Variants in RALGAPA1 observed in about 807,000 individuals in gnomAD.
RALGAPA1 encodes Ral GTPase activating protein catalytic subunit alpha 1, also known as ral GTPase-activating protein subunit alpha-1.
A neutral mutation model predicts 269.6 loss-of-function variants in RALGAPA1; 52 were observed. That is an observed-to-expected ratio of 0.19 (90% CI 0.15 to 0.24). The LOEUF (loss-of-function observed/expected upper bound fraction) is 0.24, where lower values mean the gene tolerates loss of function less well. Among genes scored for constraint, RALGAPA1 ranks in the 10% least tolerant of loss-of-function variants. The pLI is 1.00. For missense variants in RALGAPA1, 1,917 were observed against 3,013.9 expected (o/e 0.64, Z 8.52); for synonymous variants, 817 against 1,008.3 (o/e 0.81, Z 3.60).
intron 1 of RALGAPA1, among the ~76,000 whole-genome samples, chr14:35,781,903 C>A (rs1166358113): frequency 6.6e-6 from 1 of 152,104 alleles, no homozygotes; most frequent in Non-Finnish European, 1.5e-5. Context: ...AAAGCTTTAC[C>A]CCTAAAAGCA....
intron 16 of RALGAPA1, among the ~76,000 whole-genome samples, chr14:35,701,547 C>T (rs996716283): frequency 1.1e-4 from 17 of 152,198 alleles, no homozygotes; most frequent in African/African-American, 3.6e-4. Context: ...TTCATCATCA[C>T]ATCATGACTT....
chr14:35,782,416 CTT>C (rs1291253380), intron 1 of RALGAPA1, among the ~76,000 whole-genome samples: 1 of 152,048 alleles, frequency 6.6e-6, no homozygotes, highest in African/African-American at 2.4e-5. Flanking sequence ...TCAATGTACT[CTT>C]TTTTTTCTTC....
chr14:35,546,975 T>C (rs1315935526), intron 41 of RALGAPA1, among the ~76,000 whole-genome samples: 3 of 152,170 alleles, frequency 2.0e-5, no homozygotes, highest in African/African-American at 4.8e-5. Context: ...ACCACTCTGA[T>C]AAAAATTTAT....
At chr14:35,733,885 C>G (rs1488490389) in intron 12 of RALGAPA1, among the ~76,000 whole-genome samples, 1 of 151,956 alleles carries the variant, frequency 6.6e-6, no homozygotes, top group East Asian at 1.9e-4. Flanking sequence ...AGGAGATACA[C>G]CAACAGCAAC....
rs527561590 is a variant in RALGAPA1, at chr14:35,654,604, G to A, written c.5497-127C>T. The A allele has an allele frequency of 1.4e-4, 158 of 1,124,566 alleles. No homozygotes were observed. In the Middle Eastern group the frequency reaches 1.5e-3, roughly 11 times the overall value. The allele number at this position is 1,124,566 out of a possible 1,614,324, so 69.7% of individuals were successfully genotyped here. Reference sequence around the variant, plus strand: ...AAATCCTACATTTATAGGTGATTAAGATAAATCTCTAGCTGCAAAATAAAA... The same window carrying A: ...AAATCCTACATTTATAGGTGATTAAAATAAATCTCTAGCTGCAAAATAAAA... On this transcript the variant is annotated intron_variant, in intron 29 of 41. Transcript: ENST00000680220.
At chr14:35,741,041 C>A (rs999150824) in intron 11 of RALGAPA1, among the ~76,000 whole-genome samples, 1 of 152,204 alleles carries the variant, frequency 6.6e-6, no homozygotes, top group African/African-American at 2.4e-5. Context: ...GCTGGTTACA[C>A]TACTTGAGTA....
Position 35,539,632 on chromosome 14 carries a change from A to G in RALGAPA1, c.*82T>C, listed in dbSNP as rs1229236610. ...GAGGAGACATTGGAGAGGCCAGGTCAGCCCCATCTACCTGCGTTGCTGTGG... is the reference window on the plus strand; with the variant it reads ...GAGGAGACATTGGAGAGGCCAGGTCGGCCCCATCTACCTGCGTTGCTGTGG... On this transcript the variant is annotated 3_prime_UTR_variant, in exon 42 of 42. Transcript: ENST00000680220. 2 of 1,614,146 alleles carry G rather than the reference A, an allele frequency of 1.2e-6. No homozygotes were observed. The highest frequency in any genetic ancestry group is 1.7e-6 in the Non-Finnish European group (2 of 1,180,018).
intron 1 of RALGAPA1, among the ~76,000 whole-genome samples, chr14:35,805,479 G>A (rs373725098): frequency 4.7e-5 from 7 of 149,938 alleles, no homozygotes; most frequent in Non-Finnish European, 7.4e-5. Context: ...TAAAATGACC[G>A]TACTGCATAA....
intron 31 of RALGAPA1, among the ~76,000 whole-genome samples, chr14:35,637,299 A>C (rs2139774397): frequency 6.6e-6 from 1 of 152,336 alleles, no homozygotes; most frequent in African/African-American, 2.4e-5. Context: ...TGTTTTGAAG[A>C]AGCTCAATGA....
chr14:35,674,293 TA>T lies in RALGAPA1; in HGVS notation c.4819-16del. On this transcript the variant is annotated splice_polypyrimidine_tract_variant and intron_variant, in intron 23 of 41. Transcript: ENST00000680220. ...TTATCTCTAATCTGTAATTTTCAAA[TA>T]AAAAGCAACAAACCTAAGAAAACTG... 6.3e-7 allele frequency: 1 copy of T among 1,585,906 alleles called. No individual in the cohort carries two copies. Among genetic ancestry groups the T allele is most frequent in the Non-Finnish European group, 8.6e-7 (1 of 1,162,258 alleles).
intron 27 of RALGAPA1, among the ~76,000 whole-genome samples, chr14:35,662,666 C>T (rs1194075232): frequency 6.6e-6 from 1 of 152,114 alleles, no homozygotes; most frequent in African/African-American, 2.4e-5. Flanking sequence ...GTAGGCGAGG[C>T]TAACCCCTAA....
intron 16 of RALGAPA1, among the ~76,000 whole-genome samples, chr14:35,713,865 G>A (rs771677779): frequency 2.6e-5 from 4 of 152,284 alleles, no homozygotes; most frequent in Admixed American, 1.3e-4. Flanking sequence ...GGAGGCCCAG[G>A]CGGGTGGACT....
At chr14:35,733,401 C>T (rs923204630) in intron 12 of RALGAPA1, among the ~76,000 whole-genome samples, 35 of 152,100 alleles carry the variant, frequency 2.3e-4, no homozygotes, top group Admixed American at 1.4e-3. Context: ...TGCTTGAACC[C>T]GGGAGGTGGA....
At chr14:35,744,293 C>G (rs2071841043) in intron 10 of RALGAPA1, among the ~76,000 whole-genome samples, 1 of 151,704 alleles carries the variant, frequency 6.6e-6, no homozygotes, top group South Asian at 2.1e-4. Context: ...ATCGCTTGAA[C>G]CCGAGAGATG....
At chr14:35,617,271 G>A (rs1028448134) in intron 35 of RALGAPA1, among the ~76,000 whole-genome samples, 2 of 151,730 alleles carry the variant, frequency 1.3e-5, no homozygotes, top group South Asian at 2.1e-4. Context: ...CACCTAAGGC[G>A]AGGAGTTACA....
At chr14:35,666,710 A>C (rs2063973205) in intron 26 of RALGAPA1, among the ~76,000 whole-genome samples, 1 of 152,210 alleles carries the variant, frequency 6.6e-6, no homozygotes, top group Non-Finnish European at 1.5e-5. Flanking sequence ...ATGTTACATA[A>C]TGCATAGTAT....
chr14:35,766,394 A>C, intron 4 of RALGAPA1: 1 of 1,545,328 alleles, frequency 6.5e-7, no homozygotes, highest in Non-Finnish European at 8.9e-7. Context: ...AATATCTTGT[A>C]CTGGAATTAT....
At chr14:35,782,657 A>T (rs574064812) in intron 1 of RALGAPA1, among the ~76,000 whole-genome samples, 1 of 151,526 alleles carries the variant, frequency 6.6e-6, no homozygotes, top group Non-Finnish European at 1.5e-5. Flanking sequence ...CTCCTAACCT[A>T]AGGTGATCCA....
chr14:35,682,558 G>A (rs927856405), intron 21 of RALGAPA1, among the ~76,000 whole-genome samples: 8 of 152,036 alleles, frequency 5.3e-5, no homozygotes, highest in African/African-American at 7.2e-5. Context: ...TGCCCGCCTC[G>A]GCTCCCCAAA....
Sources: gnomAD v4.1 joint callset for allele counts (sites outside exome capture counted in the v4.1 genomes callset) on GRCh38, gnomAD v4.1.1 for gene constraint, MANE v1.5 for transcripts, NCBI Gene and HGNC (gene_info 2026-07-23, HGNC 2026-07-21) for gene names.